Variants in ADCY10 observed in about 807,000 individuals in gnomAD.
The protein encoded by ADCY10 is adenylate cyclase type 10.
Under a neutral mutation model 183.3 loss-of-function variants are expected in ADCY10, and 156 were observed. That is an observed-to-expected ratio of 0.85 (90% CI 0.75 to 0.97). The LOEUF (loss-of-function observed/expected upper bound fraction) is 0.97. Ranked by LOEUF, ADCY10 falls within the 50% of genes least tolerant of loss-of-function variation. The pLI is 0.00. For missense variants in ADCY10, 1,745 were observed against 1,934.3 expected, an observed-to-expected ratio of 0.90 and a Z score of 1.84; for synonymous variants, 645 against 670.0, an observed-to-expected ratio of 0.96 and a Z score of 0.58.
At position 167,905,032 on chromosome 1, in the gene ADCY10, C is replaced by T. The variant is rs749013506; in HGVS notation, c.109G>A (p.Asp37Asn). 1.2e-6 allele frequency: 2 copies of T among 1,614,170 alleles called. No individual in the cohort carries two copies. Among genetic ancestry groups the T allele is most frequent in the Non-Finnish European group, 8.5e-7 (1 of 1,180,040 alleles). Residue 37 changes from aspartate to asparagine, a missense_variant, in exon 2 of 33, where the codon GAT becomes AAT. Physicochemically the swap from Asp to Asn is conservative, Grantham distance 23. Coordinates refer to ENST00000367851, the MANE Select transcript of ADCY10 (RefSeq NM_018417.6). ...AACATCAGGACTCCGTCAAAATAAT[C>T]CATAAAGGGTCGCTCTGGGGAGAAA... ...GHFSPERPFM[D>N]YFDGVLMFVD... is the part of the protein sequence containing the mutation.
At chr1:167,833,698 T>C (rs1162160757) in intron 24 of ADCY10, among the ~76,000 whole-genome samples, 1 of 144,520 alleles carries the variant, frequency 6.9e-6, no homozygotes, top group African/African-American at 2.6e-5. Context: ...AGAGCCGATA[T>C]CACGCCACTG....
chr1:167,846,300 T>C (rs1665024671), intron 19 of ADCY10, 37 bp from the exon 20 acceptor site: 2 of 1,609,860 alleles, frequency 1.2e-6, no homozygotes, highest in African/African-American at 1.3e-5. Flanking sequence ...AAACTAGTTA[T>C]TTATCTTTAT....
chr1:167,911,639 C>T (rs1181040020), intron 1 of ADCY10, among the ~76,000 whole-genome samples: 1 of 152,150 alleles, frequency 6.6e-6, no homozygotes, highest in African/African-American at 2.4e-5. Context: ...TAAATGACCC[C>T]GTCTCCTTTG....
At chr1:167,890,108 A>T (rs1386030597) in intron 8 of ADCY10, among the ~76,000 whole-genome samples, 2 of 152,100 alleles carry the variant, frequency 1.3e-5, no homozygotes, top group South Asian at 2.1e-4. Flanking sequence ...GATGGTCTTG[A>T]TACTTGTGGA....
At chr1:167,904,094 T>TC in intron 2 of ADCY10, 103 bp from the exon 3 acceptor site, 2 of 701,644 alleles carry the variant, frequency 2.9e-6, no homozygotes, top group Non-Finnish European at 4.8e-6. Flanking sequence ...TTTTTTTTTT[T>TC]TTTTTTTTTT....
chr1:167,883,639 G>C lies in ADCY10; in HGVS notation c.829-11C>G. 1 of 1,614,152 alleles carries C rather than the reference G, an allele frequency of 6.2e-7. No individual in the cohort carries two copies. The highest frequency in any genetic ancestry group is 8.5e-7 in the Non-Finnish European group (1 of 1,179,990). ...CTGTTTGTTATCAATCTGCAAAGTAGAGAGCAGCTTTCTGTAGGTGTCCTT... is the reference window on the plus strand; with the variant it reads ...CTGTTTGTTATCAATCTGCAAAGTACAGAGCAGCTTTCTGTAGGTGTCCTT... On this transcript the variant is annotated splice_polypyrimidine_tract_variant and intron_variant, in intron 8 of 32. Coordinates refer to ENST00000367851, the MANE Select transcript of ADCY10 (RefSeq NM_018417.6).
At chr1:167,910,944 C>T (rs1670108535) in intron 1 of ADCY10, among the ~76,000 whole-genome samples, 3 of 152,198 alleles carry the variant, frequency 2.0e-5, no homozygotes, top group African/African-American at 7.2e-5. Context: ...ATATTCCAAA[C>T]ATTGCATTCT....
chr1:167,850,662 C>CGTGTGT (rs35744623), intron 18 of ADCY10, among the ~76,000 whole-genome samples: 4,171 of 87,748 alleles, frequency 0.048, 84 homozygotes, highest in Non-Finnish European at 0.053. Context: ...AAAAGGGGGC[C>CGTGTGT]GTGTGTGTGT....
At chr1:167,839,839 A>G (rs892954324) in intron 21 of ADCY10, among the ~76,000 whole-genome samples, 1 of 152,326 alleles carries the variant, frequency 6.6e-6, no homozygotes, top group Non-Finnish European at 1.5e-5. Context: ...TGTTTGTTGC[A>G]TAAACGCACG....
intron 7 of ADCY10, 81 bp downstream of exon 7, chr1:167,896,514 G>T: frequency 8.8e-7 from 1 of 1,133,886 alleles, no homozygotes; most frequent in Non-Finnish European, 1.3e-6. Context: ...CCACCCACCA[G>T]TAATGAAGCT....
intron 28 of ADCY10, 63 bp downstream of exon 28, chr1:167,824,413 C>G: frequency 1.4e-6 from 2 of 1,411,240 alleles, no homozygotes; most frequent in Non-Finnish European, 2.0e-6. Context: ...TAAAGTTGAA[C>G]CCAGAATACT....
intron 18 of ADCY10, among the ~76,000 whole-genome samples, chr1:167,852,095 A>G (rs1483309514): frequency 6.6e-6 from 1 of 152,186 alleles, no homozygotes; most frequent in Non-Finnish European, 1.5e-5. Context: ...AAATTAAGAC[A>G]CAAAAGACAC....
intron 7 of ADCY10, among the ~76,000 whole-genome samples, chr1:167,894,735 T>C (rs969189479): frequency 7.9e-5 from 12 of 152,198 alleles, no homozygotes; most frequent in Non-Finnish European, 1.3e-4. Context: ...AGTGAATTAC[T>C]GAACCTGAGG....
intron 1 of ADCY10, among the ~76,000 whole-genome samples, chr1:167,910,126 G>A (rs966016654): frequency 1.3e-5 from 2 of 152,178 alleles, no homozygotes; most frequent in Non-Finnish European, 2.9e-5. Flanking sequence ...GCCGAATAAA[G>A]CCTCTTCCTT....
At chr1:167,885,804 C>T (rs1471515538) in intron 8 of ADCY10, among the ~76,000 whole-genome samples, 7 of 151,926 alleles carry the variant, frequency 4.6e-5, no homozygotes, top group South Asian at 2.1e-4. Flanking sequence ...TTAGTAGAGA[C>T]GGGGTTTCAC....
At chr1:167,909,421 G>T (rs952409923) in intron 1 of ADCY10, among the ~76,000 whole-genome samples, 21 of 152,108 alleles carry the variant, frequency 1.4e-4, no homozygotes, top group African/African-American at 5.1e-4. Flanking sequence ...TGGGTCATAG[G>T]GTATACACAT....
At chr1:167,891,996 C>G (rs1668630817) in intron 8 of ADCY10, among the ~76,000 whole-genome samples, 1 of 145,560 alleles carries the variant, frequency 6.9e-6, no homozygotes, top group Admixed American at 6.9e-5. Flanking sequence ...TTTTTAGAGA[C>G]AGGGTCTTGC....
chr1:167,905,599 T>TA (rs34148403), intron 1 of ADCY10, among the ~76,000 whole-genome samples: 16,562 of 145,432 alleles, frequency 0.11, 1,062 homozygotes, highest in African/African-American at 0.19. Context: ...TTTCTCTCTT[T>TA]AAAAAAAAAA....
At chr1:167,875,765 A>AT in intron 12 of ADCY10, among the ~76,000 whole-genome samples, 1 of 152,140 alleles carries the variant, frequency 6.6e-6, no homozygotes, top group Non-Finnish European at 1.5e-5. Flanking sequence ...CCTGGCTAAC[A>AT]CGGTGAAACC....
Sources: allele counts gnomAD v4.1 joint callset (sites outside exome capture counted in the v4.1 genomes callset), GRCh38; gene constraint gnomAD v4.1.1; transcripts MANE v1.5; gene names NCBI Gene and HGNC (gene_info 2026-07-23, HGNC 2026-07-21).